SLC36A1: variants seen among roughly 807,000 people sequenced by gnomAD.
SLC36A1 encodes solute carrier family 36 member 1, also known as proton-coupled amino acid transporter 1.
Under a neutral mutation model 47.5 loss-of-function variants are expected in SLC36A1, and 30 were observed. The ratio of observed to expected loss-of-function variants is 0.63; its 90% CI spans 0.47 to 0.86. The LOEUF is 0.86. Among genes scored for constraint, SLC36A1 ranks in the 40% least tolerant of loss-of-function variants. The pLI is 0.00. For synonymous variants in SLC36A1, 255 were observed against 249.7 expected, an observed-to-expected ratio of 1.02 and a Z score of -0.20; for missense variants, 517 against 606.0, an observed-to-expected ratio of 0.85 and a Z score of 1.54.
chr5:151,473,202 AT>A (rs1408361830), intron 7 of SLC36A1, among the ~76,000 whole-genome samples: 9 of 151,462 alleles, frequency 5.9e-5, no homozygotes, highest in Non-Finnish European at 1.2e-4. Context: ...AGATAGATAG[AT>A]AGATAGATAG....
the SLC36A1 span, chr5:151,554,580 A>G: frequency 1.2e-6 from 2 of 1,614,146 alleles, no homozygotes; most frequent in Non-Finnish European, 1.7e-6. Context: ...AGCTTGTGGG[A>G]GAATATAGGT....
At chr5:151,471,766 G>A (rs1020023324) in intron 7 of SLC36A1, among the ~76,000 whole-genome samples, 14 of 152,160 alleles carry the variant, frequency 9.2e-5, no homozygotes, top group African/African-American at 3.1e-4. Flanking sequence ...AGTGAAGGCT[G>A]TTATAGAGCT....
chr5:151,538,027 G>T, the SLC36A1 span: 1 of 1,313,704 alleles, frequency 7.6e-7, no homozygotes, highest in Non-Finnish European at 1.1e-6. Flanking sequence ...CTGACTGAGG[G>T]AGGCAGAAGC....
intron 1 of SLC36A1, among the ~76,000 whole-genome samples, chr5:151,439,239 C>G (rs1209730730): frequency 6.6e-6 from 1 of 152,176 alleles, no homozygotes; most frequent in Non-Finnish European, 1.5e-5. Context: ...ACTTGCCACC[C>G]AGGCCCCTCC....
intron 1 of SLC36A1, among the ~76,000 whole-genome samples, chr5:151,442,326 A>G (rs759409762): frequency 2.6e-5 from 4 of 152,002 alleles, no homozygotes; most frequent in Non-Finnish European, 5.9e-5. Flanking sequence ...GCTAAAATTT[A>G]CTCATTTCAC....
chr5:151,448,205 T>C (rs1258656734), intron 1 of SLC36A1, among the ~76,000 whole-genome samples: 2 of 152,160 alleles, frequency 1.3e-5, no homozygotes, highest in African/African-American at 4.8e-5. Flanking sequence ...TTGGAGAAAC[T>C]GAGCCCTTAC....
chr5:151,442,427 TATACA>T (rs1752680967), intron 1 of SLC36A1, among the ~76,000 whole-genome samples: 1 of 152,212 alleles, frequency 6.6e-6, no homozygotes, highest in African/African-American at 2.4e-5. Context: ...CACAGTGATG[TATACA>T]ATGTACAGCG....
At chr5:151,445,076 CTG>C (rs1752841519), upstream of SLC36A1, among the ~76,000 whole-genome samples, 1 of 151,964 alleles carries the variant, frequency 6.6e-6, no homozygotes, top group Admixed American at 6.5e-5. Flanking sequence ...AAAATGTTAA[CTG>C]TGTGTTTTTC....
chr5:151,371,547 A>G, the SLC36A1 span, among the ~76,000 whole-genome samples: 9 of 152,338 alleles, frequency 5.9e-5, no homozygotes, highest in African/African-American at 1.9e-4. Context: ...GAGACAGAAC[A>G]GAAATTTATT....
At chr5:151,424,799 T>C in the SLC36A1 span, among the ~76,000 whole-genome samples, 4 of 152,142 alleles carry the variant, frequency 2.6e-5, no homozygotes, top group Non-Finnish European at 5.9e-5. Flanking sequence ...CAATTCCCAT[T>C]TTACAAGTGA....
chr5:151,436,958 A>G (rs972513251), upstream of SLC36A1: 12 of 152,040 alleles, frequency 7.9e-5, no homozygotes, highest in African/African-American at 2.7e-4. Flanking sequence ...TTCTCCTCTC[A>G]TCTGAGCACT....
At chr5:151,500,123 C>T in the SLC36A1 span, among the ~76,000 whole-genome samples, 1 of 152,146 alleles carries the variant, frequency 6.6e-6, no homozygotes, top group African/African-American at 2.4e-5. Context: ...CTGAACTCAG[C>T]CTGTTCCGTT....
Position 151,473,652 on chromosome 5 carries a change from G to C in SLC36A1, c.724-21G>C, listed in dbSNP as rs1581174245. The C allele has an allele frequency of 8.3e-7, 1 of 1,211,226 alleles. No homozygotes were observed. The highest frequency in any genetic ancestry group is 1.2e-6 in the Non-Finnish European group (1 of 857,312). 75.0% of individuals were successfully genotyped at this position (1,211,226 alleles called of 1,614,324 possible). A position where few individuals can be genotyped will look rare whatever the true frequency, so the allele number is the denominator to read the frequency against. The stretch of plus-strand genomic sequence containing the variant: ...ATAGCCTTTTGCTTTGTTTTGCTTT[G>C]TTTTGCTTTCTGTCTTTCAGAGGAT... On this transcript the variant is annotated intron_variant, in intron 7 of 10. Transcript: ENST00000243389.
chr5:151,531,651 C>T, the SLC36A1 span: 1 of 1,613,808 alleles, frequency 6.2e-7, no homozygotes, highest in Non-Finnish European at 8.5e-7. The surrounding 1 kb of genome is among the most constrained non-coding windows in gnomAD (Gnocchi z 5.7). Flanking sequence ...AGCCGGTCTT[C>T]TCTGCGCCCG....
the SLC36A1 span, chr5:151,380,409 AC>A: frequency 2.5e-6 from 1 of 393,540 alleles, no homozygotes; most frequent in Non-Finnish European, 5.1e-6. Context: ...GCGTGTGGAA[AC>A]CCAAAGGAAG....
the SLC36A1 span, chr5:151,546,182 G>A: frequency 1.7e-5 from 27 of 1,614,056 alleles, no homozygotes; most frequent in Non-Finnish European, 2.3e-5. Context: ...GGATAGACAT[G>A]AATGATCACT....
chr5:151,554,754 T>A, the SLC36A1 span: 1 of 1,084,976 alleles, frequency 9.2e-7, no homozygotes, highest in Non-Finnish European at 1.3e-6. Context: ...GAAATAGTAG[T>A]CACTTTGTTC....
chr5:151,512,102 T>G, the SLC36A1 span: 1 of 1,507,280 alleles, frequency 6.6e-7, no homozygotes, highest in Non-Finnish European at 9.0e-7. This position sits in a 1 kb window ranked among gnomAD's most constrained non-coding sequence, Gnocchi z 4.1. Context: ...CCTGACATGC[T>G]TTTCCCACCT....
the SLC36A1 span, among the ~76,000 whole-genome samples, chr5:151,376,150 T>C: frequency 8.5e-5 from 13 of 152,182 alleles, no homozygotes; most frequent in African/African-American, 3.1e-4. Context: ...CGGCCCTTGT[T>C]GTTTTGAGGT....
Sources: allele counts gnomAD v4.1 joint callset (sites outside exome capture counted in the v4.1 genomes callset), GRCh38; gene constraint gnomAD v4.1.1; non-coding constraint Gnocchi (gnomAD v3.1); transcripts MANE v1.5; gene names NCBI Gene and HGNC (gene_info 2026-07-23, HGNC 2026-07-21).